MCUB: variants seen among roughly 807,000 people sequenced by gnomAD.
MCUB encodes mitochondrial calcium uniporter dominant negative subunit beta.
In MCUB, 46 loss-of-function variants were observed where a neutral mutation model predicts 41.4. That is an observed-to-expected ratio of 1.11 (90% CI 0.88 to 1.42). The LOEUF is 1.42. Among genes scored for constraint, MCUB ranks in the 40% most tolerant of loss-of-function variants. The pLI, the probability that MCUB is intolerant of heterozygous loss-of-function variation, is 0.00. For synonymous variants in MCUB, 148 were observed against 148.2 expected (o/e 1.00, Z 0.01); for missense variants, 403 against 404.9 (o/e 1.00, Z 0.04).
At chr4:109,638,424 AAAAAAC>A (rs1434613683) in intron 1 of MCUB, among the ~76,000 whole-genome samples, 4 of 152,062 alleles carry the variant, frequency 2.6e-5, no homozygotes, top group Non-Finnish European at 5.9e-5. Flanking sequence ...AAAAAAAAAA[AAAAAAC>A]CATACATTAA....
chr4:109,567,312 G>C (rs1204822825), intron 1 of MCUB, among the ~76,000 whole-genome samples: 1 of 152,016 alleles, frequency 6.6e-6, no homozygotes, highest in African/African-American at 2.4e-5. Context: ...CCTGTGCTGA[G>C]GAAGGAAGAC....
intron 1 of MCUB, among the ~76,000 whole-genome samples, chr4:109,617,662 AATC>A (rs1176426465): frequency 8.5e-5 from 13 of 152,334 alleles, no homozygotes; most frequent in South Asian, 8.3e-4. Context: ...ATGAATGCAT[AATC>A]ATCATATGTT....
At chr4:109,656,580 T>C (rs192799236) in intron 1 of MCUB, among the ~76,000 whole-genome samples, 70 of 151,794 alleles carry the variant, frequency 4.6e-4, no homozygotes, top group African/African-American at 1.6e-3. Context: ...TTCACCATGT[T>C]ACCTGGGCTC....
chr4:109,650,334 A>C (rs1728934026), intron 1 of MCUB, among the ~76,000 whole-genome samples: 1 of 152,146 alleles, frequency 6.6e-6, no homozygotes, highest in Admixed American at 6.5e-5. Context: ...TGCTTTAAAA[A>C]ATTTTTTATT....
intron 1 of MCUB, among the ~76,000 whole-genome samples, chr4:109,604,596 A>G (rs1485602268): frequency 1.3e-5 from 2 of 152,150 alleles, no homozygotes; most frequent in Non-Finnish European, 2.9e-5. Flanking sequence ...GTCGTGTTCC[A>G]GATCCAGGAA....
At chr4:109,638,784 A>C (rs892988079) in intron 1 of MCUB, among the ~76,000 whole-genome samples, 9 of 152,236 alleles carry the variant, frequency 5.9e-5, no homozygotes, top group African/African-American at 2.2e-4. Flanking sequence ...TTATCATTTC[A>C]GTGAAATTCA....
intron 1 of MCUB, among the ~76,000 whole-genome samples, chr4:109,569,393 A>G (rs1726856522): frequency 6.6e-6 from 1 of 151,854 alleles, no homozygotes; most frequent in East Asian, 1.9e-4. Flanking sequence ...TTTATTTCAG[A>G]TATACTTTCA....
intron 1 of MCUB, among the ~76,000 whole-genome samples, chr4:109,584,888 G>T (rs28861185): frequency 0.018 from 2,719 of 152,258 alleles, 62 homozygotes; most frequent in South Asian, 0.072. Context: ...GTCAATTTTG[G>T]AGTAAGTGTG....
chr4:109,621,954 T>G (rs967740158), intron 1 of MCUB, among the ~76,000 whole-genome samples: 1 of 152,192 alleles, frequency 6.6e-6, no homozygotes, highest in African/African-American at 2.4e-5. Flanking sequence ...TGATCTTGGT[T>G]CACTGCAACC....
At chr4:109,612,844 C>T (rs1249195084) in intron 1 of MCUB, among the ~76,000 whole-genome samples, 10 of 152,126 alleles carry the variant, frequency 6.6e-5, no homozygotes, top group Non-Finnish European at 1.5e-4. Context: ...CGGTGTCTCA[C>T]GCCTGTAATC....
chr4:109,579,729 C>T (rs776705547), intron 1 of MCUB, among the ~76,000 whole-genome samples: 3 of 152,122 alleles, frequency 2.0e-5, no homozygotes, highest in Non-Finnish European at 4.4e-5. Context: ...ATCCTGACCA[C>T]TGCCATGTAG....
chr4:109,571,573 A>G (rs557242153), intron 1 of MCUB, among the ~76,000 whole-genome samples: 1 of 152,296 alleles, frequency 6.6e-6, no homozygotes, highest in South Asian at 2.1e-4. Context: ...TCGGCCTCCC[A>G]AAGTGCAGGG....
chr4:109,597,228 G>C (rs1012915985), intron 1 of MCUB, among the ~76,000 whole-genome samples: 2 of 152,048 alleles, frequency 1.3e-5, no homozygotes, highest in Non-Finnish European at 2.9e-5. Flanking sequence ...ATCCTGGCCC[G>C]TTCTCAATGA....
Position 109,560,318 on chromosome 4 carries a change from C to G in MCUB, c.-20C>G, listed in dbSNP as rs1726588900. The G allele has an allele frequency of 8.2e-7, 1 of 1,214,706 alleles. No homozygotes were observed. The highest frequency in any genetic ancestry group is 3.4e-5 in the South Asian group (1 of 29,684). 75.2% of individuals were successfully genotyped at this position (1,214,706 alleles called of 1,614,324 possible). ...ATGCGCCGCTGACGCCTGCGGGAGC[C>G]GCGCGCCTGGGGCGGGAGGATGCTC... On this transcript the variant is annotated 5_prime_UTR_variant, in exon 1 of 8. Coordinates refer to ENST00000394650, the MANE Select transcript of MCUB (RefSeq NM_017918.5).
intron 1 of MCUB, among the ~76,000 whole-genome samples, chr4:109,562,711 C>G (rs1242531863): frequency 6.6e-6 from 1 of 152,144 alleles, no homozygotes; most frequent in Non-Finnish European, 1.5e-5. Flanking sequence ...AAGGACTTGT[C>G]GTAAGCAGTA....
intron 1 of MCUB, among the ~76,000 whole-genome samples, chr4:109,643,788 G>A (rs1728772014): frequency 6.6e-6 from 1 of 152,200 alleles, no homozygotes; most frequent in Non-Finnish European, 1.5e-5. Context: ...ACAGGCATGA[G>A]CCACTGCACC....
intron 1 of MCUB, among the ~76,000 whole-genome samples, chr4:109,593,236 TAATTTAAAAA>T (rs954945777): frequency 2.0e-5 from 3 of 152,166 alleles, no homozygotes; most frequent in African/African-American, 7.2e-5. Context: ...CCTTTTTACG[TAATTTAAAAA>T]AGAGTTCTCC....
At chr4:109,608,494 T>TTGTTC (rs1263330594) in intron 1 of MCUB, among the ~76,000 whole-genome samples, 24 of 151,710 alleles carry the variant, frequency 1.6e-4, no homozygotes, top group Non-Finnish European at 1.3e-4. Context: ...AGGTTTTGTT[T>TTGTTC]TGTTTTGTTT....
rs1029711947 is a variant in MCUB, at chr4:109,581,085, G to C, written c.99+20649G>C. ...CCACATTGCCAAGTCAATCCTAAGC[G>C]AAAAGAACAAAGCTGGAGGCATCAT... On this transcript the variant is annotated intron_variant, in intron 1 of 7. Coordinates refer to ENST00000394650, the MANE Select transcript of MCUB (RefSeq NM_017918.5). 3.2e-4 allele frequency among the ~76,000 whole-genome samples: 48 copies of C among 152,192 alleles called. 1 individual carries two copies. The highest frequency in any genetic ancestry group is 9.1e-4 in the African/African-American group (38 of 41,536).
Sources: allele counts gnomAD v4.1 joint callset (sites outside exome capture counted in the v4.1 genomes callset), GRCh38; gene constraint gnomAD v4.1.1; transcripts MANE v1.5; gene names NCBI Gene and HGNC (gene_info 2026-07-23, HGNC 2026-07-21).